Variants in MAPK6 observed in about 807,000 individuals in gnomAD.
The protein encoded by MAPK6 is ERK-3.
MAPK6 carries 19 observed loss-of-function variants against 59.3 expected under a neutral mutation model. The observed-to-expected ratio is 0.32, with a 90% CI of 0.22 to 0.47. The LOEUF (loss-of-function observed/expected upper bound fraction) is 0.47. Among genes scored for constraint, MAPK6 ranks in the 20% least tolerant of loss-of-function variants. The pLI, the probability that MAPK6 is intolerant of heterozygous loss-of-function variation, is 1.00. For missense variants in MAPK6, 724 were observed against 847.9 expected (o/e 0.85, Z 1.81); for synonymous variants, 316 against 290.3 (o/e 1.09, Z -0.90).
At chr15:52,051,680 G>C (rs976659115) in intron 3 of MAPK6, among the ~76,000 whole-genome samples, 3 of 151,646 alleles carry the variant, frequency 2.0e-5, no homozygotes, top group Non-Finnish European at 4.4e-5. Context: ...TTGAGACCAG[G>C]CTTGCCAACA....
intron 1 of MAPK6, chr15:52,021,522 A>G (rs1242401716): frequency 1.3e-5 from 2 of 152,192 alleles, no homozygotes; most frequent in Non-Finnish European, 2.9e-5. Flanking sequence ...AGGATATCAT[A>G]TACCCTACAG....
intron 3 of MAPK6, among the ~76,000 whole-genome samples, chr15:52,009,363 G>C (rs1471116259): frequency 6.6e-6 from 1 of 152,208 alleles, no homozygotes; most frequent in Non-Finnish European, 1.5e-5. Flanking sequence ...GAAATTAGGA[G>C]TATCTGTTCT....
At chr15:51,975,606 TGTGTAACACCTTAACGACTTAGAGGAA>T (rs2057155118) in intron 1 of MAPK6, among the ~76,000 whole-genome samples, 1 of 151,918 alleles carries the variant, frequency 6.6e-6, no homozygotes, top group Non-Finnish European at 1.5e-5. Flanking sequence ...TTTTTAAATT[TGTGTAACACCTTAACGACTTAGAGGAA>T]AAATAACAGA....
At chr15:52,056,215 G>A (rs947291411) in intron 3 of MAPK6, among the ~76,000 whole-genome samples, 12 of 152,164 alleles carry the variant, frequency 7.9e-5, no homozygotes, top group Non-Finnish European at 1.8e-4. Flanking sequence ...TCCTGTCCCA[G>A]GTTAACACTT....
intron 2 of MAPK6, among the ~76,000 whole-genome samples, chr15:52,049,291 TG>T (rs2031701145): frequency 6.6e-6 from 1 of 152,020 alleles, no homozygotes; most frequent in Admixed American, 6.6e-5. Flanking sequence ...ATCTCAAGAC[TG>T]AGTGTAAACC....
rs889695827 is a variant in MAPK6 at position 52,064,804 on chromosome 15, A to T, written c.1970A>T (p.His657Leu). Residue 657 changes from histidine (H) to leucine (L), a missense_variant, in exon 6 of 6, where the codon CAT becomes CTT. This residue lies in a region of MAPK6 where 502 missense variants were observed against 507.6 expected (regional missense o/e 0.99). Transcript: ENST00000261845. ...VEDGKLGERG[H>L]EEGFLNNSGE... ...GATGGGAAGCTTGGGGAGAGAGGAC[A>T]TGAGGAAGGATTTCTGAACAACAGT... The T allele has an allele frequency of 6.2e-7, 1 of 1,611,892 alleles. No individual in the cohort carries two copies.
chr15:51,998,726 T>TGCC (rs1183098544), intron 2 of MAPK6, among the ~76,000 whole-genome samples: 2 of 95,018 alleles, frequency 2.1e-5, no homozygotes, highest in Admixed American at 2.5e-4. Flanking sequence ...AGTCTCGCTC[T>TGCC]GCCGCCCAGG....
At chr15:51,982,554 G>A (rs960027295) in intron 1 of MAPK6, among the ~76,000 whole-genome samples, 2 of 152,140 alleles carry the variant, frequency 1.3e-5, no homozygotes, top group African/African-American at 4.8e-5. Flanking sequence ...GAAAGAAAAT[G>A]TCCTGTGTTG....
intron 1 of MAPK6, among the ~76,000 whole-genome samples, chr15:52,043,283 A>G (rs886481691): frequency 2.0e-5 from 3 of 152,100 alleles, no homozygotes; most frequent in Non-Finnish European, 2.9e-5. Flanking sequence ...CAATACAAAA[A>G]TTATTTTTAT....
In MAPK6 at chr15:52,063,915, C is replaced by A; in HGVS notation, c.1081C>A (p.Gln361Lys). The A allele has an allele frequency of 6.5e-7, 1 of 1,537,464 alleles. No individual in the cohort carries two copies. Among genetic ancestry groups the A allele is most frequent in the South Asian group, 1.3e-5 (1 of 79,092 alleles). The change falls in exon 6 of 6, where the codon CAG becomes AAG. Residue 361 changes from glutamine (Q) to lysine (K), a missense_variant. Physicochemically the swap from Gln to Lys is moderately conservative, Grantham distance 53. Transcript: ENST00000261845. ...IYNWERYHDC[Q>K]FSEHDWPVHN... ...GATTTTTTTCAGGTATCATGATTGT[C>A]AGTTTTCAGAGCATGATTGGCCTGT...
At chr15:52,053,589 AGATT>A (rs1362850317) in intron 3 of MAPK6, among the ~76,000 whole-genome samples, 1 of 148,838 alleles carries the variant, frequency 6.7e-6, no homozygotes, top group East Asian at 2.0e-4. Flanking sequence ...TTTTGAAACA[AGATT>A]GATTGATTGG....
At chr15:52,026,931 T>A (rs780436757) in intron 1 of MAPK6, among the ~76,000 whole-genome samples, 1 of 151,272 alleles carries the variant, frequency 6.6e-6, no homozygotes, top group Admixed American at 6.6e-5. Flanking sequence ...ATACCTGTAC[T>A]CCCAGCTACT....
At chr15:51,984,661 A>G (rs1024295085) in intron 2 of MAPK6, among the ~76,000 whole-genome samples, 1 of 151,780 alleles carries the variant, frequency 6.6e-6, no homozygotes. Context: ...GTGATGCGCT[A>G]GTAAAAGCTT....
At chr15:52,029,664 C>T (rs2030952763) in intron 1 of MAPK6, among the ~76,000 whole-genome samples, 1 of 152,196 alleles carries the variant, frequency 6.6e-6, no homozygotes, top group Admixed American at 6.5e-5. Context: ...GTAACTGGCA[C>T]CTAGGATTTA....
intron 1 of MAPK6, among the ~76,000 whole-genome samples, chr15:52,041,185 G>GT (rs1045850407): frequency 5.6e-5 from 8 of 144,036 alleles, no homozygotes; most frequent in African/African-American, 1.8e-4. Context: ...TTTAAACTTT[G>GT]TTTTTTTGTT....
Position 52,064,937 on chromosome 15 carries a change from T to C in MAPK6, c.2103T>C (p.Ala701=). The change falls in exon 6 of 6, where the codon GCT becomes GCC. Residue 701 remains alanine (A), a synonymous_variant. Coordinates refer to ENST00000261845, the MANE Select transcript of MAPK6 (RefSeq NM_002748.4). The part of the protein sequence containing the change: ...KSIQATLTPS[A]MKSSPQIPHQ... ...TACAGGCCACATTAACACCTTCTGC[T>C]ATGAAATCTTCCCCTCAAATTCCTC... 6.2e-7 allele frequency: 1 copy of C among 1,611,868 alleles called. No homozygotes were observed. The highest frequency in any genetic ancestry group is 2.3e-4 in the Middle Eastern group (1 of 4,430).
rs2030385505 is a variant in MAPK6 at position 52,019,228 on chromosome 15, CCT to C, written c.-774_-773del. 6.6e-6 allele frequency: 1 copy of C among 152,124 alleles called. No individual in the cohort carries two copies. 9.4% of individuals were successfully genotyped at this position (152,124 alleles called of 1,614,324 possible). A position where few individuals can be genotyped will look rare whatever the true frequency, so the allele number is the denominator to read the frequency against. ...CGAAGCCCCGCCCCCTCTTCCTCGC[CCT>C]CTCTCGCGGGTCGGGGTTACATGGC... is the stretch of plus-strand genomic sequence containing the variant. On this transcript the variant is annotated 5_prime_UTR_variant, in exon 1 of 6. Coordinates refer to ENST00000261845, the MANE Select transcript of MAPK6 (RefSeq NM_002748.4).
intron 1 of MAPK6, among the ~76,000 whole-genome samples, chr15:52,033,192 A>G (rs190598886): frequency 6.6e-6 from 1 of 152,262 alleles, no homozygotes; most frequent in African/African-American, 2.4e-5. Context: ...GATGGTTAGT[A>G]TTAAGTGTCA....
chr15:51,985,877 G>GA (rs932963763), intron 2 of MAPK6, among the ~76,000 whole-genome samples: 3 of 151,760 alleles, frequency 2.0e-5, no homozygotes, highest in African/African-American at 7.3e-5. Context: ...CGAATAGCGT[G>GA]AACCCAGGAG....
Sources: gnomAD v4.1 joint callset for allele counts (sites outside exome capture counted in the v4.1 genomes callset) on GRCh38, gnomAD v4.1.1 for gene constraint, gnomAD v4.1.1 regional missense constraint, MANE v1.5 for transcripts, NCBI Gene and HGNC (gene_info 2026-07-23, HGNC 2026-07-21) for gene names.